Variants in DPH6 observed in about 807,000 individuals in gnomAD.
DPH6 encodes the protein diphthamine biosynthesis 6, also known as diphthine--ammonia ligase.
In DPH6, 33 loss-of-function variants were observed where a neutral mutation model predicts 38.2. That is an observed-to-expected ratio of 0.86 (90% confidence interval 0.65 to 1.15). DPH6 has a LOEUF of 1.15. Among genes scored for constraint, DPH6 ranks in the 50% most tolerant of loss-of-function variants. The pLI is 0.00. For synonymous variants in DPH6, 108 were observed against 103.0 expected, an observed-to-expected ratio of 1.05 and a Z score of -0.30; for missense variants, 325 against 320.0, an observed-to-expected ratio of 1.02 and a Z score of -0.12.
chr15:35,338,537 T>C lies in DPH6; in HGVS notation n.208-7460A>G, dbSNP rs2052393710. Among the ~76,000 whole-genome samples, 5 of 152,186 alleles carry C rather than the reference T, an allele frequency of 3.3e-5. No homozygotes were observed. In the South Asian group the frequency reaches 1.0e-3, roughly 32 times the overall value. On this transcript the variant is annotated intron_variant and non_coding_transcript_variant, in intron 3 of 3. Coordinates refer to the DPH6 transcript ENST00000558973. ...CATTAAAAAGTCAGGAAACAACAGGTGCTGGAGAGGATGTGGAGAAATAGG... is the reference window on the plus strand; with the variant it reads ...CATTAAAAAGTCAGGAAACAACAGGCGCTGGAGAGGATGTGGAGAAATAGG...
At chr15:35,343,887 A>G (rs556453561) in intron 3 of DPH6, among the ~76,000 whole-genome samples, 1 of 152,146 alleles carries the variant, frequency 6.6e-6, no homozygotes, top group South Asian at 2.1e-4. Flanking sequence ...TTTGTTTCAC[A>G]TGTGAAAATA....
the DPH6 span, among the ~76,000 whole-genome samples, chr15:35,198,365 A>G: frequency 1.3e-5 from 2 of 152,212 alleles, no homozygotes; most frequent in Non-Finnish European, 2.9e-5. Context: ...GTGCAAAATG[A>G]ACTATCTATA....
chr15:35,438,360 CGATGGCCTGT>C (rs2053744000), intron 5 of DPH6, among the ~76,000 whole-genome samples: 1 of 152,116 alleles, frequency 6.6e-6, no homozygotes, highest in Non-Finnish European at 1.5e-5. Context: ...CTGGTTCAAG[CGATGGCCTGT>C]GATTACTTGG....
intron 3 of DPH6, among the ~76,000 whole-genome samples, chr15:35,315,997 A>G (rs1227158528): frequency 6.6e-6 from 1 of 152,160 alleles, no homozygotes; most frequent in African/African-American, 2.4e-5. Flanking sequence ...GTTGATCTTG[A>G]GAAGATATAG....
chr15:35,322,986 A>T (rs1411213427), intron 3 of DPH6, among the ~76,000 whole-genome samples: 2 of 152,172 alleles, frequency 1.3e-5, no homozygotes, highest in Admixed American at 1.3e-4. Context: ...TTTCAGAAGG[A>T]ATTTAACAAC....
chr15:35,542,584 C>G, intron 1 of DPH6, 77 bp from the exon 2 acceptor site: 1 of 1,284,258 alleles, frequency 7.8e-7, no homozygotes, highest in South Asian at 1.5e-5. Flanking sequence ...GATATCAAAA[C>G]AGAACATATC....
chr15:35,266,707 T>G (rs553746118), intron 3 of DPH6, among the ~76,000 whole-genome samples: 1 of 152,332 alleles, frequency 6.6e-6, no homozygotes, highest in South Asian at 2.1e-4. Flanking sequence ...CAGTACCACA[T>G]AGACATAACT....
At position 35,490,703 on chromosome 15, in the gene DPH6, T is replaced by C. The variant is rs189436856; in HGVS notation, c.313-35883A>G. ...GAAAATGTTGAGCCATCTTTCCGTTTGGAAAATTATATCTGGAAGAATGTG... is the reference window on the plus strand; with the variant it reads ...GAAAATGTTGAGCCATCTTTCCGTTCGGAAAATTATATCTGGAAGAATGTG... On this transcript the variant is annotated intron_variant, in intron 3 of 8. Coordinates refer to ENST00000256538, the MANE Select transcript of DPH6 (RefSeq NM_080650.4). 2.0e-3 allele frequency among the ~76,000 whole-genome samples: 307 copies of C among 152,282 alleles called. 1 individual carries two copies. The highest frequency in any genetic ancestry group is 6.9e-3 in the African/African-American group (285 of 41,576).
rs895478325 is a variant in DPH6, at chr15:35,318,791, T to A, written n.200+54730A>T. 3.3e-5 allele frequency among the ~76,000 whole-genome samples: 5 copies of A among 152,274 alleles called. No homozygotes were observed. In the South Asian group the frequency reaches 6.2e-4, roughly 19 times the overall value. On this transcript the variant is annotated intron_variant and non_coding_transcript_variant, in intron 3 of 3. Transcript: ENST00000560386. ...TGTAAAATAAATTTTTTATTTATTTTAAAAAATGTGTATAATGTATTTGGA... is the reference window on the plus strand; with the variant it reads ...TGTAAAATAAATTTTTTATTTATTTAAAAAAATGTGTATAATGTATTTGGA...
intron 6 of DPH6, chr15:35,400,748 G>T: frequency 1.3e-6 from 1 of 741,884 alleles, no homozygotes. Context: ...CTTATTGGAG[G>T]GTTGAGCTTG....
chr15:35,223,665 G>A (rs1057006111), intron 3 of DPH6, among the ~76,000 whole-genome samples: 39 of 151,544 alleles, frequency 2.6e-4, no homozygotes, highest in Admixed American at 7.9e-4. Context: ...CAGCCTGGGC[G>A]ACAGAGCAAA....
the DPH6 span, among the ~76,000 whole-genome samples, chr15:35,200,179 G>C: frequency 6.6e-6 from 1 of 152,150 alleles, no homozygotes; most frequent in Non-Finnish European, 1.5e-5. Flanking sequence ...TGATGAGAGA[G>C]AGTTTGGAAC....
the DPH6 span, among the ~76,000 whole-genome samples, chr15:35,185,786 G>C: frequency 2.2e-5 from 3 of 137,010 alleles, no homozygotes; most frequent in African/African-American, 5.5e-5. Flanking sequence ...GTACAGTGGC[G>C]TGATCTCAGC....
chr15:35,521,878 T>G, intron 3 of DPH6: 2 of 1,375,932 alleles, frequency 1.5e-6, no homozygotes, highest in Non-Finnish European at 1.9e-6. Context: ...TGTTAATTAG[T>G]GTTCACATTA....
chr15:35,441,050 T>C (rs1448257800), intron 5 of DPH6, among the ~76,000 whole-genome samples: 2 of 151,904 alleles, frequency 1.3e-5, no homozygotes, highest in African/African-American at 2.4e-5. Context: ...CAAACATATA[T>C]ATGAAAAAAA....
At chr15:35,377,992 C>T (rs2052804459) in intron 7 of DPH6, among the ~76,000 whole-genome samples, 1 of 151,926 alleles carries the variant, frequency 6.6e-6, no homozygotes. Flanking sequence ...GCCCTGCCCT[C>T]CCAAAGTGTT....
intron 3 of DPH6, among the ~76,000 whole-genome samples, chr15:35,363,431 A>G (rs1366878761): frequency 1.3e-5 from 2 of 152,282 alleles, no homozygotes; most frequent in Non-Finnish European, 2.9e-5. Flanking sequence ...ATTAAAAGAC[A>G]TCTACATAAA....
At chr15:35,320,901 CCTT>C (rs1458564233) in intron 3 of DPH6, among the ~76,000 whole-genome samples, 3 of 152,164 alleles carry the variant, frequency 2.0e-5, no homozygotes, top group Non-Finnish European at 4.4e-5. Context: ...TGAACCCTGA[CCTT>C]CTCTCTGAAG....
the DPH6 span, among the ~76,000 whole-genome samples, chr15:35,193,093 T>G: frequency 6.6e-5 from 10 of 152,318 alleles, no homozygotes; most frequent in East Asian, 1.2e-3. Flanking sequence ...ATTTTCCATC[T>G]CAAAATTAAT....
Sources: gnomAD v4.1 joint callset for allele counts (sites outside exome capture counted in the v4.1 genomes callset) on GRCh38, gnomAD v4.1.1 for gene constraint, MANE v1.5 for transcripts, NCBI Gene and HGNC (gene_info 2026-07-23, HGNC 2026-07-21) for gene names.